TAFA1: variants seen among roughly 807,000 people sequenced by gnomAD.
TAFA1 encodes the protein TAFA chemokine like family member 1, also known as chemokine-like protein TAFA-1.
In TAFA1, 4 loss-of-function variants were observed where a neutral mutation model predicts 18.5. That is an observed-to-expected ratio of 0.22 (90% CI 0.11 to 0.49). TAFA1 has a LOEUF of 0.49. Ranked by LOEUF, TAFA1 falls within the 20% of genes least tolerant of loss-of-function variation. TAFA1 has a pLI of 0.98. For missense variants in TAFA1, 147 were observed against 169.0 expected (o/e 0.87, Z 0.72); for synonymous variants, 56 against 55.2 (o/e 1.01, Z -0.06).
chr3:68,215,872 G>A lies in TAFA1; in HGVS notation c.119-201408G>A, dbSNP rs74447243. 4.3e-3 allele frequency among the ~76,000 whole-genome samples: 648 copies of A among 152,064 alleles called. 2 individuals carry two copies. The highest frequency in any genetic ancestry group is 0.015 in the African/African-American group (623 of 41,522). ...TAACCCTCACACACATGTTCATAGT[G>A]GCTTTATTCATAAACATCCCAAACT... On this transcript the variant is annotated intron_variant, in intron 2 of 4. Coordinates refer to ENST00000478136, the MANE Select transcript of TAFA1 (RefSeq NM_213609.4).
chr3:68,418,267 C>A (rs2070881122), intron 3 of TAFA1, among the ~76,000 whole-genome samples: 1 of 151,542 alleles, frequency 6.6e-6, no homozygotes, highest in South Asian at 2.1e-4. Flanking sequence ...AGGGTGGGGC[C>A]GTTTTATAGG....
chr3:68,424,359 T>C (rs1038786855), intron 3 of TAFA1, among the ~76,000 whole-genome samples: 32 of 152,012 alleles, frequency 2.1e-4, no homozygotes, highest in Admixed American at 2.1e-3. Flanking sequence ...GAGTAGTTAA[T>C]AAAGAAATGC....
In TAFA1 at chr3:68,545,110, G is replaced by A. The variant is rs971843455; in HGVS notation, c.*607G>A. On this transcript the variant is annotated 3_prime_UTR_variant, in exon 5 of 5. Transcript: ENST00000478136. ...ACCAGATGGCCCAAGGAAGCACATC[G>A]TCCTGTTTTATTGCTTTCTACCCTG... 42 of 152,482 alleles carry A rather than the reference G, an allele frequency of 2.8e-4. No individual in the cohort carries two copies. Among genetic ancestry groups the A allele is most frequent in the Admixed American group, 2.6e-3 (40 of 15,210 alleles). 9.4% of individuals were successfully genotyped at this position (152,482 alleles called of 1,614,324 possible). A position where few individuals can be genotyped will look rare whatever the true frequency, so the allele number is the denominator to read the frequency against.
chr3:68,003,119 T>A (rs1704302526), upstream of TAFA1, among the ~76,000 whole-genome samples: 2 of 152,186 alleles, frequency 1.3e-5, no homozygotes, highest in Admixed American at 1.3e-4. Context: ...AGAAATCTGT[T>A]TAGAGGTAAG....
chr3:68,167,915 G>A (rs2066004485), intron 2 of TAFA1, among the ~76,000 whole-genome samples: 1 of 151,802 alleles, frequency 6.6e-6, no homozygotes, highest in Non-Finnish European at 1.5e-5. Context: ...ATAATTCCCA[G>A]GACAAAGCTT....
rs147397260 is a variant in TAFA1, at chr3:68,488,640, A to G, written c.260-50116A>G. On this transcript the variant is annotated intron_variant, in intron 3 of 4. Transcript: ENST00000478136. ...CCTAGGCTTCAATTTTTCCATCTGC[A>G]TAATGGCAATAAGATACCTGCACCA... 6.1e-4 allele frequency among the ~76,000 whole-genome samples: 93 copies of G among 152,342 alleles called. 4 individuals carry two copies. The East Asian group carries it at 0.018, about 29-fold the overall frequency.
intron 2 of TAFA1, among the ~76,000 whole-genome samples, chr3:68,376,202 AG>A (rs1436916198): frequency 6.6e-6 from 1 of 151,862 alleles, no homozygotes; most frequent in Non-Finnish European, 1.5e-5. Context: ...TAAGTGGTTC[AG>A]TGTTTAATCT....
intron 2 of TAFA1, among the ~76,000 whole-genome samples, chr3:68,109,988 T>C (rs2065245786): frequency 6.6e-6 from 1 of 152,194 alleles, no homozygotes; most frequent in Non-Finnish European, 1.5e-5. Context: ...TCTTCAACTT[T>C]TAAGTTCTGG....
Position 68,283,084 on chromosome 3 carries a change from T to G in TAFA1, c.119-134196T>G, listed in dbSNP as rs532988208. On this transcript the variant is annotated intron_variant, in intron 2 of 4. Transcript: ENST00000478136. ...ACCTTCCTCATTGAAGCTGTGAATCTACTATATTTTTAAACTCTCAGAACA... is the reference window on the plus strand; with the variant it reads ...ACCTTCCTCATTGAAGCTGTGAATCGACTATATTTTTAAACTCTCAGAACA... Among the ~76,000 whole-genome samples the G allele has an allele frequency of 3.3e-5, 5 of 152,356 alleles. No individual in the cohort carries two copies. In the South Asian group the frequency reaches 1.0e-3, roughly 32 times the overall value.
chr3:68,205,190 G>T (rs2066511744), intron 2 of TAFA1, among the ~76,000 whole-genome samples: 1 of 151,830 alleles, frequency 6.6e-6, no homozygotes, highest in Non-Finnish European at 1.5e-5. Context: ...TTCCAGAGAT[G>T]ATTTAAATTC....
chr3:68,380,485 T>C lies in TAFA1; in HGVS notation c.119-36795T>C, dbSNP rs534234400. 4.3e-4 allele frequency among the ~76,000 whole-genome samples: 66 copies of C among 152,322 alleles called. 1 individual carries two copies. The highest frequency in any genetic ancestry group is 9.4e-4 in the African/African-American group (39 of 41,580). On this transcript the variant is annotated intron_variant, in intron 2 of 4. Coordinates refer to ENST00000478136, the MANE Select transcript of TAFA1 (RefSeq NM_213609.4). ...CTAACTGGTGTGTGATGGTATCTCA[T>C]TGTGGTTTTGATTTGCATTTCTCTG...
intron 2 of TAFA1, among the ~76,000 whole-genome samples, chr3:68,088,270 C>T (rs889622014): frequency 6.6e-6 from 1 of 152,170 alleles, no homozygotes; most frequent in Non-Finnish European, 1.5e-5. Context: ...GCCTCCACAG[C>T]CACAGTAAAT....
At chr3:68,150,840 C>G (rs1286397172) in intron 2 of TAFA1, among the ~76,000 whole-genome samples, 1 of 151,996 alleles carries the variant, frequency 6.6e-6, no homozygotes, top group African/African-American at 2.4e-5. Flanking sequence ...TTCAGTAAAA[C>G]CATAATAAGA....
At chr3:68,100,125 C>T (rs6548984) in intron 2 of TAFA1, among the ~76,000 whole-genome samples, 73,614 of 151,834 alleles carry the variant, frequency 0.48, 18,517 homozygotes, top group South Asian at 0.62. Flanking sequence ...AAACAAACCT[C>T]CACGTACAAT....
chr3:68,046,878 T>C (rs1286184830), intron 2 of TAFA1, among the ~76,000 whole-genome samples: 2 of 152,210 alleles, frequency 1.3e-5, no homozygotes, highest in Non-Finnish European at 2.9e-5. Context: ...TTAAGCCTGA[T>C]GATATTAGTT....
intron 2 of TAFA1, among the ~76,000 whole-genome samples, chr3:68,411,497 A>T (rs1001648698): frequency 6.6e-6 from 1 of 152,206 alleles, no homozygotes; most frequent in Admixed American, 6.5e-5. Flanking sequence ...ATTATGTAAA[A>T]GCTAAAAGAA....
intron 3 of TAFA1, among the ~76,000 whole-genome samples, chr3:68,431,815 G>A (rs2071179829): frequency 6.6e-6 from 1 of 151,874 alleles, no homozygotes; most frequent in African/African-American, 2.4e-5. Context: ...ATTTGGCTGG[G>A]AGCGTCGGCA....
At chr3:68,483,912 A>C (rs1284356333) in intron 3 of TAFA1, among the ~76,000 whole-genome samples, 2 of 152,232 alleles carry the variant, frequency 1.3e-5, no homozygotes. Flanking sequence ...ATGAAGCTTG[A>C]TTTTATGCCT....
chr3:68,274,704 GCCCCGC>G (rs1185696584), intron 2 of TAFA1, among the ~76,000 whole-genome samples: 7 of 152,090 alleles, frequency 4.6e-5, no homozygotes, highest in Admixed American at 6.6e-5. Flanking sequence ...TTGTTCCCCC[GCCCCGC>G]CCCCGCCCAC....
Sources: allele counts gnomAD v4.1 joint callset (sites outside exome capture counted in the v4.1 genomes callset), GRCh38; gene constraint gnomAD v4.1.1; transcripts MANE v1.5; gene names NCBI Gene and HGNC (gene_info 2026-07-23, HGNC 2026-07-21).